The following C12orf42 variants were observed in gnomAD, a reference collection of about 807,000 sequenced individuals.
The protein encoded by C12orf42 is uncharacterized protein C12orf42.
Under a neutral mutation model 21.6 loss-of-function variants are expected in C12orf42, and 25 were observed. That is an observed-to-expected ratio of 1.16 (90% confidence interval 0.84 to 1.62). The LOEUF (loss-of-function observed/expected upper bound fraction) is 1.62, where lower values mean the gene tolerates loss of function less well. C12orf42 is among the 40% of genes most tolerant of loss of function. The pLI is 0.00. For synonymous variants in C12orf42, 174 were observed against 175.0 expected, an observed-to-expected ratio of 0.99 and a Z score of 0.05; for missense variants, 483 against 459.3, an observed-to-expected ratio of 1.05 and a Z score of -0.47.
chr12:103,265,362 C>A (rs1473085610), downstream of C12orf42, among the ~76,000 whole-genome samples: 2 of 152,126 alleles, frequency 1.3e-5, no homozygotes, highest in Non-Finnish European at 2.9e-5. Context: ...GCTGGAGATG[C>A]AACAATAACC....
At chr12:103,101,959 G>A in the C12orf42 span, among the ~76,000 whole-genome samples, 18 of 152,318 alleles carry the variant, frequency 1.2e-4, no homozygotes, top group African/African-American at 4.1e-4. Context: ...GGGCTGCATG[G>A]TACCAAGAGA....
chr12:103,124,407 T>C, the C12orf42 span, among the ~76,000 whole-genome samples: 2 of 152,170 alleles, frequency 1.3e-5, no homozygotes, highest in Non-Finnish European at 2.9e-5. Context: ...TCTCTGTATC[T>C]CTGGCTACAG....
intron 5 of C12orf42, among the ~76,000 whole-genome samples, chr12:103,304,695 ATT>A (rs1485643651): frequency 6.6e-6 from 1 of 152,204 alleles, no homozygotes; most frequent in Non-Finnish European, 1.5e-5. Flanking sequence ...GTACATTCCA[ATT>A]TCAACATATT....
chr12:103,245,053 G>A (rs1565991710), intron 10 of C12orf42, among the ~76,000 whole-genome samples: 2 of 152,174 alleles, frequency 1.3e-5, no homozygotes, highest in East Asian at 3.9e-4. Context: ...AGGAACAAAT[G>A]TAATAAATAA....
intron 4 of C12orf42, among the ~76,000 whole-genome samples, chr12:103,321,313 A>AGAT (rs2040085285): frequency 6.6e-6 from 1 of 151,262 alleles, no homozygotes; most frequent in Non-Finnish European, 1.5e-5. Context: ...AACCACAATG[A>AGAT]GATACCATCT....
chr12:103,136,225 A>C, the C12orf42 span, among the ~76,000 whole-genome samples: 1 of 152,318 alleles, frequency 6.6e-6, no homozygotes, highest in South Asian at 2.1e-4. Flanking sequence ...AATATACAAA[A>C]TCGGTAGCAT....
intron 4 of C12orf42, among the ~76,000 whole-genome samples, chr12:103,309,441 C>A (rs904579420): frequency 1.3e-5 from 2 of 151,982 alleles, no homozygotes; most frequent in African/African-American, 4.8e-5. Context: ...AAATAACATA[C>A]AAAATATATG....
the C12orf42 span, among the ~76,000 whole-genome samples, chr12:103,209,703 G>C: frequency 6.6e-6 from 1 of 152,142 alleles, no homozygotes; most frequent in African/African-American, 2.4e-5. Flanking sequence ...GCAGATTCGA[G>C]AGTCTCAATC....
At chr12:103,167,479 CT>C in the C12orf42 span, among the ~76,000 whole-genome samples, 2 of 152,134 alleles carry the variant, frequency 1.3e-5, no homozygotes, top group Non-Finnish European at 2.9e-5. Context: ...TAAGCTGAGT[CT>C]TTTATTGAAC....
chr12:103,210,447 T>C, the C12orf42 span, among the ~76,000 whole-genome samples: 1 of 152,148 alleles, frequency 6.6e-6, no homozygotes, highest in Non-Finnish European at 1.5e-5. Flanking sequence ...TTTCTACCAC[T>C]TGCCTCTCTC....
intron 1 of C12orf42, among the ~76,000 whole-genome samples, chr12:103,478,724 T>C (rs1421820924): frequency 1.3e-5 from 2 of 151,962 alleles, no homozygotes; most frequent in South Asian, 4.2e-4. Context: ...TTCTTGATCA[T>C]CTATTGCAAG....
At chr12:103,395,491 A>G (rs7957668) in intron 3 of C12orf42, among the ~76,000 whole-genome samples, 26,503 of 151,958 alleles carry the variant, frequency 0.17, 2,678 homozygotes, top group African/African-American at 0.29. Flanking sequence ...GCCCACCACC[A>G]CGCCCGGCTA....
chr12:103,070,865 A>C, the C12orf42 span, among the ~76,000 whole-genome samples: 1 of 152,206 alleles, frequency 6.6e-6, no homozygotes, highest in Admixed American at 6.6e-5. Flanking sequence ...TTGTCACGAC[A>C]CTGAAAATAT....
At chr12:103,449,617 CTCTT>C (rs1306698715) in intron 2 of C12orf42, among the ~76,000 whole-genome samples, 2 of 151,780 alleles carry the variant, frequency 1.3e-5, no homozygotes, top group Non-Finnish European at 2.9e-5. Flanking sequence ...ATATTCATGG[CTCTT>C]TCTTCCATTC....
chr12:103,142,846 C>T, the C12orf42 span, among the ~76,000 whole-genome samples: 2 of 152,062 alleles, frequency 1.3e-5, no homozygotes, highest in Non-Finnish European at 2.9e-5. Context: ...AAAATATAAA[C>T]ATATATATTT....
intron 4 of C12orf42, among the ~76,000 whole-genome samples, chr12:103,344,535 G>C (rs895666007): frequency 2.0e-5 from 3 of 152,104 alleles, no homozygotes; most frequent in Non-Finnish European, 4.4e-5. Context: ...ACCCATCTTA[G>C]AGAAATTGAC....
chr12:103,226,853 C>T, the C12orf42 span, among the ~76,000 whole-genome samples: 11 of 152,144 alleles, frequency 7.2e-5, no homozygotes, highest in South Asian at 4.2e-4. Context: ...AGGTTTGGGA[C>T]GAGTTGCACT....
chr12:103,358,888 G>C (rs2043822951), intron 4 of C12orf42, among the ~76,000 whole-genome samples: 1 of 151,978 alleles, frequency 6.6e-6, no homozygotes, highest in African/African-American at 2.4e-5. Context: ...AATAAGAAGT[G>C]GTACAGCTCT....
At position 103,435,183 on chromosome 12, in the gene C12orf42, T is replaced by C. The variant is rs547830376; in HGVS notation, c.79-33508A>G. ...CAGGGTATTCCAACAGACCTGCAGC[T>C]GAGGGTCCTGTCTGTTAGAAGGAAA... On this transcript the variant is annotated intron_variant, in intron 2 of 5. Transcript: ENST00000548883. Among the ~76,000 whole-genome samples the C allele has an allele frequency of 2.2e-4, 34 of 152,164 alleles. No individual in the cohort carries two copies. The East Asian group carries it at 6.6e-3, about 29-fold the overall frequency.
Sources: gnomAD v4.1 joint callset for allele counts (sites outside exome capture counted in the v4.1 genomes callset) on GRCh38, gnomAD v4.1.1 for gene constraint, MANE v1.5 for transcripts, NCBI Gene and HGNC (gene_info 2026-07-23, HGNC 2026-07-21) for gene names.